The following BTAF1 variants were observed in gnomAD, a reference collection of about 807,000 sequenced individuals.
BTAF1 encodes the protein TATA-binding protein-associated factor 172.
In BTAF1, 38 loss-of-function variants were observed where a neutral mutation model predicts 227.1. The observed-to-expected ratio is 0.17, with a 90% CI of 0.13 to 0.22. The LOEUF (loss-of-function observed/expected upper bound fraction) is 0.22, where lower values mean the gene tolerates loss of function less well. BTAF1 is among the 10% of genes least tolerant of loss of function. The probability of loss-of-function intolerance (pLI) is 1.00; values close to 1 mark genes in which losing one functional copy is unlikely to be tolerated. For synonymous variants in BTAF1, 742 were observed against 751.9 expected, an observed-to-expected ratio of 0.99 and a Z score of 0.21; for missense variants, 1,598 against 2,204.0, an observed-to-expected ratio of 0.73 and a Z score of 5.51.
rs775293515 is a variant in BTAF1, at chr10:92,024,964, C to T, written c.5072C>T (p.Ser1691Phe). Residue 1691 changes from serine (S) to phenylalanine (F), a missense_variant, in exon 35 of 38, where the codon TCC (serine) becomes TTC (phenylalanine). Ser to Phe is a radical substitution (Grantham distance 155, BLOSUM62 -2). Transcript: ENST00000265990. The part of the protein sequence containing the change: ...IPPGQRHSIV[S>F]RFNNDPSIDV... Reference sequence around the variant, plus strand: ...CCTGGTCAGAGGCATTCCATTGTTTCCCGGTAAGTGGCTTCTAAGACTCTT... The same window carrying T: ...CCTGGTCAGAGGCATTCCATTGTTTTCCGGTAAGTGGCTTCTAAGACTCTT... The T allele has an allele frequency of 3.1e-6, 5 of 1,613,264 alleles. No individual in the cohort carries two copies. The highest frequency in any genetic ancestry group is 4.2e-6 in the Non-Finnish European group (5 of 1,179,570).
In BTAF1 at chr10:92,008,289, A is replaced by G. The variant is rs373705164; in HGVS notation, c.3813+14A>G. 2.6e-6 allele frequency: 4 copies of G among 1,545,918 alleles called. No individual in the cohort carries two copies. The African/African-American group carries it at 4.3e-5, about 17-fold the overall frequency. On this transcript the variant is annotated intron_variant, in intron 26 of 37. Coordinates refer to ENST00000265990, the MANE Select transcript of BTAF1 (RefSeq NM_003972.3). ...AAATATCAGCAGGTAAGTTTTATAC[A>G]ATAGTGAGTTTTCCTTTCAAATGAA...
In BTAF1 at chr10:91,982,736, T is replaced by A; in HGVS notation, c.2198T>A (p.Ile733Asn). ...CAGAGGATTAGTGTAGCTTTGGTAA[T>A]CTGTGAATGGGCTGCTTTACAAAAG... Reference protein sequence around the residue: ...ALQRISVALVICEWAALQKEC... With the variant: ...ALQRISVALVNCEWAALQKEC... Residue 733 changes from isoleucine to asparagine, a missense_variant, in exon 18 of 38, where the codon ATC becomes AAC. Coordinates refer to ENST00000265990, the MANE Select transcript of BTAF1 (RefSeq NM_003972.3). 1 of 1,612,186 alleles carries A rather than the reference T, an allele frequency of 6.2e-7. No homozygotes were observed. Among genetic ancestry groups the A allele is most frequent in the Non-Finnish European group, 8.5e-7 (1 of 1,179,134 alleles).
At chr10:91,957,096 TAAAAA>T in intron 7 of BTAF1, 124 bp from the exon 8 acceptor site, 1 of 579,214 alleles carries the variant, frequency 1.7e-6, no homozygotes, top group African/African-American at 1.9e-5. Flanking sequence ...CTTAATTAGT[TAAAAA>T]AATTAAATTT....
intron 13 of BTAF1, among the ~76,000 whole-genome samples, chr10:91,964,435 C>T (rs1365931056): frequency 6.6e-6 from 1 of 151,914 alleles, no homozygotes; most frequent in African/African-American, 2.4e-5. Context: ...TATAATTCAT[C>T]GTCTTGTTCG....
Position 92,030,136 on chromosome 10 carries a change from C to CCATA in BTAF1, c.*1206_*1209dup, listed in dbSNP as rs1851803837. 1 of 152,460 alleles carries CCATA rather than the reference C, an allele frequency of 6.6e-6. No individual in the cohort carries two copies. The highest frequency in any genetic ancestry group is 6.6e-5 in the Admixed American group (1 of 15,260). The allele number at this position is 152,460 out of a possible 1,614,324, so 9.4% of individuals were successfully genotyped here. On this transcript the variant is annotated 3_prime_UTR_variant, in exon 38 of 38. Coordinates refer to ENST00000265990, the MANE Select transcript of BTAF1 (RefSeq NM_003972.3). ...AAACATCCCCAAGGTTTGTGGCTGGCCATACACATAGGCATCAGTTTAACA... is the reference window on the plus strand; with the variant it reads ...AAACATCCCCAAGGTTTGTGGCTGGCCATACATACACATAGGCATCAGTTTAACA...
intron 1 of BTAF1, among the ~76,000 whole-genome samples, chr10:91,934,252 T>C (rs77809765): frequency 6.6e-6 from 1 of 152,036 alleles, no homozygotes; most frequent in Non-Finnish European, 1.5e-5. Context: ...TTTTTTTTTT[T>C]AAGACACAGT....
intron 13 of BTAF1, among the ~76,000 whole-genome samples, chr10:91,964,930 T>C (rs1846785204): frequency 6.6e-6 from 1 of 152,190 alleles, no homozygotes; most frequent in Non-Finnish European, 1.5e-5. Context: ...AAAATTACTC[T>C]TCTTGTCCTA....
chr10:91,979,057 T>C (rs1303098985), intron 14 of BTAF1, among the ~76,000 whole-genome samples: 1 of 152,044 alleles, frequency 6.6e-6, no homozygotes, highest in African/African-American at 2.4e-5. Flanking sequence ...TAGCTCCCAC[T>C]TACAGGTGAG....
chr10:91,943,886 C>CA (rs1845183829), intron 4 of BTAF1, among the ~76,000 whole-genome samples: 1 of 152,156 alleles, frequency 6.6e-6, no homozygotes, highest in Non-Finnish European at 1.5e-5. Context: ...CGTGGTGGGT[C>CA]ACACCTGTAA....
chr10:91,948,165 C>A (rs1003073394), intron 4 of BTAF1, among the ~76,000 whole-genome samples: 4 of 150,410 alleles, frequency 2.7e-5, no homozygotes, highest in Non-Finnish European at 4.4e-5. Flanking sequence ...CCCATCCCCC[C>A]ACCCCACGAC....
intron 30 of BTAF1, among the ~76,000 whole-genome samples, chr10:92,013,073 G>A: frequency 6.6e-6 from 1 of 152,232 alleles, no homozygotes; most frequent in Non-Finnish European, 1.5e-5. Context: ...TAGCCACTGA[G>A]CAGGGTGAGG....
At chr10:91,993,977 A>G (rs897347488) in intron 22 of BTAF1, 130 bp downstream of exon 22, 2 of 689,842 alleles carry the variant, frequency 2.9e-6, no homozygotes, top group African/African-American at 3.7e-5. Flanking sequence ...AAGTTTTAAA[A>G]TGGAAACTTG....
At chr10:91,993,921 TA>T in intron 22 of BTAF1, 74 bp downstream of exon 22, 3 of 1,177,260 alleles carry the variant, frequency 2.5e-6, no homozygotes, top group African/African-American at 1.6e-5. Context: ...CCTTATAAAA[TA>T]AAAATGCCTC....
At chr10:92,008,575 C>G (rs1361473089) in intron 26 of BTAF1, among the ~76,000 whole-genome samples, 9 of 151,326 alleles carry the variant, frequency 5.9e-5, no homozygotes, top group African/African-American at 1.9e-4. Context: ...TCTTGAACTC[C>G]TGGCTTCAAG....
intron 14 of BTAF1, among the ~76,000 whole-genome samples, chr10:91,969,144 G>A (rs1054802736): frequency 1.0e-4 from 15 of 150,196 alleles, no homozygotes; most frequent in Non-Finnish European, 1.8e-4. Context: ...TGAATTTTAA[G>A]AGTTCTTTGT....
chr10:92,000,718 A>G (rs1300228495), intron 25 of BTAF1, among the ~76,000 whole-genome samples: 4 of 151,718 alleles, frequency 2.6e-5, no homozygotes, highest in Non-Finnish European at 5.9e-5. Context: ...CCACCATGCT[A>G]ATTTTTTGTA....
At chr10:91,974,556 T>G (rs769711282) in intron 14 of BTAF1, among the ~76,000 whole-genome samples, 4 of 152,180 alleles carry the variant, frequency 2.6e-5, no homozygotes, top group African/African-American at 7.2e-5. Context: ...GTAGGTACTC[T>G]TAAGAAAAAC....
intron 33 of BTAF1, among the ~76,000 whole-genome samples, chr10:92,017,576 T>C (rs1850828696): frequency 6.6e-6 from 1 of 152,100 alleles, no homozygotes; most frequent in African/African-American, 2.4e-5. Context: ...AGTGGTGGGA[T>C]CATAGCTTAC....
At chr10:92,019,374 A>G (rs1850958835) in intron 34 of BTAF1, among the ~76,000 whole-genome samples, 2 of 152,212 alleles carry the variant, frequency 1.3e-5, no homozygotes, top group Admixed American at 6.5e-5. Flanking sequence ...AGTCAGTTTT[A>G]TGGATATAGC....
Sources: allele counts gnomAD v4.1 joint callset (sites outside exome capture counted in the v4.1 genomes callset), GRCh38; gene constraint gnomAD v4.1.1; transcripts MANE v1.5; gene names NCBI Gene and HGNC (gene_info 2026-07-23, HGNC 2026-07-21).